SHROOM3: variants seen among roughly 807,000 people sequenced by gnomAD.
SHROOM3 encodes shroom family member 3, also known as protein Shroom3.
SHROOM3 carries 47 observed loss-of-function variants against 138.6 expected under a neutral mutation model. That is an observed-to-expected ratio of 0.34 (90% CI 0.27 to 0.43). The LOEUF (loss-of-function observed/expected upper bound fraction) is 0.43. Ranked by LOEUF, SHROOM3 falls within the 20% of genes least tolerant of loss-of-function variation. SHROOM3 has a pLI of 1.00. For missense variants in SHROOM3, 2,491 were observed against 2,596.5 expected (o/e 0.96, Z 0.88); for synonymous variants, 1,062 against 1,063.3 (o/e 1.00, Z 0.02).
intron 1 of SHROOM3, among the ~76,000 whole-genome samples, chr4:76,511,007 C>T (rs935132094): frequency 2.6e-5 from 4 of 151,992 alleles, no homozygotes; most frequent in African/African-American, 9.7e-5. Context: ...ATGGTGAAAC[C>T]CCGCCTGTAC....
rs1024761576 is a variant in SHROOM3, at chr4:76,526,002, CTGAAACCAAGAGT to C, written c.169-29596_169-29584del. Among the ~76,000 whole-genome samples, 294 of 152,312 alleles carry C rather than the reference CTGAAACCAAGAGT, an allele frequency of 1.9e-3. 1 individual carries two copies. Among genetic ancestry groups the C allele is most frequent in the African/African-American group, 6.8e-3 (281 of 41,566 alleles). ...CATACTTTGCTATTGCACCACTAAGCTGAAACCAAGAGTTGAAACCAAGCTTTGGGAATTATAC... is the reference window on the plus strand; with the variant it reads ...CATACTTTGCTATTGCACCACTAAGCTGAAACCAAGCTTTGGGAATTATAC... On this transcript the variant is annotated intron_variant, in intron 1 of 10. Transcript: ENST00000296043.
chr4:76,582,080 AAAT>A (rs1734063092), intron 2 of SHROOM3, among the ~76,000 whole-genome samples: 1 of 152,228 alleles, frequency 6.6e-6, no homozygotes, highest in African/African-American at 2.4e-5. Context: ...GCCATGATAA[AAAT>A]CAAAAACCTC....
chr4:76,662,245 T>C (rs1355758655), intron 2 of SHROOM3, among the ~76,000 whole-genome samples: 1 of 150,980 alleles, frequency 6.6e-6, no homozygotes, highest in Non-Finnish European at 1.5e-5. Flanking sequence ...CAGCTCCTTC[T>C]TGTTGTTGTT....
chr4:76,608,321 A>G (rs1734666176), intron 2 of SHROOM3, among the ~76,000 whole-genome samples: 2 of 152,082 alleles, frequency 1.3e-5, no homozygotes, highest in African/African-American at 2.4e-5. Context: ...CTCTCCCCTC[A>G]CTACCATTTT....
intron 2 of SHROOM3, among the ~76,000 whole-genome samples, chr4:76,598,901 A>G (rs1235499958): frequency 6.6e-6 from 1 of 152,200 alleles, no homozygotes; most frequent in Non-Finnish European, 1.5e-5. Context: ...GTGGTTTTCA[A>G]GATGTTAAGT....
At chr4:76,603,968 G>T (rs1177458675) in intron 2 of SHROOM3, among the ~76,000 whole-genome samples, 1 of 149,298 alleles carries the variant, frequency 6.7e-6, no homozygotes, top group African/African-American at 2.5e-5. Context: ...TCAGCCTCCC[G>T]AGTAGTTGGG....
chr4:76,565,333 T>C (rs950318893), intron 2 of SHROOM3, among the ~76,000 whole-genome samples: 5 of 152,192 alleles, frequency 3.3e-5, no homozygotes, highest in East Asian at 1.9e-4. Context: ...ATTTAGAAGA[T>C]GAACCAAATA....
chr4:76,558,936 C>G (rs901465098), intron 2 of SHROOM3, among the ~76,000 whole-genome samples: 5 of 152,200 alleles, frequency 3.3e-5, no homozygotes, highest in Non-Finnish European at 7.3e-5. Context: ...CATCCAGAAG[C>G]AAGGGCCCTT....
At position 76,435,517 on chromosome 4, in the gene SHROOM3, GCTTT is replaced by G. The variant is rs1258313560; in HGVS notation, c.-527_-524del. 1 of 152,212 alleles carries G rather than the reference GCTTT, an allele frequency of 6.6e-6. No individual in the cohort carries two copies. Among genetic ancestry groups the G allele is most frequent in the Non-Finnish European group, 1.5e-5 (1 of 68,084 alleles). The allele number at this position is 152,212 out of a possible 1,614,324, so 9.4% of individuals were successfully genotyped here. A position where few individuals can be genotyped will look rare whatever the true frequency, so the allele number is the denominator to read the frequency against. The stretch of plus-strand genomic sequence containing the variant: ...TGAAGTGAGCCGAAGCATAGTAAGT[GCTTT>G]CTTTCTTTTTAAGCTACTTCTGGGG... On this transcript the variant is annotated 5_prime_UTR_variant, in exon 1 of 11. Transcript: ENST00000296043.
chr4:76,582,551 C>G (rs1412529147), intron 2 of SHROOM3, among the ~76,000 whole-genome samples: 2 of 152,128 alleles, frequency 1.3e-5, no homozygotes, highest in African/African-American at 4.8e-5. Flanking sequence ...TCTTGGTCTG[C>G]AGTTCATCAA....
chr4:76,504,902 A>G (rs1365982380), intron 1 of SHROOM3, among the ~76,000 whole-genome samples: 5 of 152,244 alleles, frequency 3.3e-5, no homozygotes, highest in Non-Finnish European at 7.3e-5. Flanking sequence ...ATCATTGAAA[A>G]GTGCAGAGCT....
chr4:76,649,951 T>A (rs1735916752), intron 2 of SHROOM3, among the ~76,000 whole-genome samples: 2 of 152,166 alleles, frequency 1.3e-5, no homozygotes, highest in African/African-American at 4.8e-5. Flanking sequence ...AAGTCCAAGA[T>A]CAAGGTGCTT....
At chr4:76,488,661 G>C (rs768030940) in intron 1 of SHROOM3, among the ~76,000 whole-genome samples, 2 of 152,160 alleles carry the variant, frequency 1.3e-5, no homozygotes, top group African/African-American at 2.4e-5. Context: ...TTTGAAAAGA[G>C]AGCCTTGGGG....
At chr4:76,506,961 A>G (rs1467498719) in intron 1 of SHROOM3, among the ~76,000 whole-genome samples, 2 of 152,176 alleles carry the variant, frequency 1.3e-5, no homozygotes, top group South Asian at 2.1e-4. Context: ...GGTCCTCTCC[A>G]TAATAACCAA....
chr4:76,607,201 A>G (rs140156618), intron 2 of SHROOM3, among the ~76,000 whole-genome samples: 167 of 152,316 alleles, frequency 1.1e-3, no homozygotes, highest in African/African-American at 3.9e-3. Flanking sequence ...TTATGGAACT[A>G]AAGCTTGATT....
At chr4:76,473,386 T>C (rs1731418768) in intron 1 of SHROOM3, among the ~76,000 whole-genome samples, 1 of 152,158 alleles carries the variant, frequency 6.6e-6, no homozygotes, top group African/African-American at 2.4e-5. Context: ...GATGGAAAGA[T>C]TGCTTGAGGC....
At chr4:76,482,848 C>T (rs1175678757) in intron 1 of SHROOM3, among the ~76,000 whole-genome samples, 2 of 152,120 alleles carry the variant, frequency 1.3e-5, no homozygotes, top group African/African-American at 4.8e-5. Context: ...TAATGCCACA[C>T]ATCCACAACC....
intron 2 of SHROOM3, chr4:76,586,301 G>C (rs1734151264): frequency 1.0e-6 from 1 of 985,616 alleles, no homozygotes; most frequent in Non-Finnish European, 1.2e-6. Context: ...TGTCTTCCTC[G>C]GGCTGGCTCC....
In SHROOM3 at chr4:76,523,696, G is replaced by A. The variant is rs574055603; in HGVS notation, c.169-31913G>A. On this transcript the variant is annotated intron_variant, in intron 1 of 10. Transcript: ENST00000296043. ...GCACTGCAGGGCCCTGCAGGAACAG[G>A]GAAGACAGCAGACAGTGCCAACTGT... Among the ~76,000 whole-genome samples the A allele has an allele frequency of 8.5e-4, 130 of 152,310 alleles. 1 individual carries two copies. Among genetic ancestry groups the A allele is most frequent in the African/African-American group, 2.9e-3 (122 of 41,554 alleles).
Sources: gnomAD v4.1 joint callset for allele counts (sites outside exome capture counted in the v4.1 genomes callset) on GRCh38, gnomAD v4.1.1 for gene constraint, MANE v1.5 for transcripts, NCBI Gene and HGNC (gene_info 2026-07-23, HGNC 2026-07-21) for gene names.